Variants in MRTFB observed in about 807,000 individuals in gnomAD.
The protein encoded by MRTFB is myocardin related transcription factor B, also known as myocardin-related transcription factor B.
MRTFB carries 29 observed loss-of-function variants against 104.2 expected under a neutral mutation model. That is an observed-to-expected ratio of 0.28 (90% confidence interval 0.21 to 0.38). The LOEUF is 0.38. MRTFB is among the 10% of genes least tolerant of loss of function. The pLI, the probability that MRTFB is intolerant of heterozygous loss-of-function variation, is 1.00. For missense variants in MRTFB, 1,270 were observed against 1,341.6 expected (o/e 0.95, Z 0.83); for synonymous variants, 535 against 519.5 (o/e 1.03, Z -0.41).
intron 2 of MRTFB, among the ~76,000 whole-genome samples, chr16:14,139,984 TA>T (rs2037913941): frequency 6.6e-6 from 1 of 152,220 alleles, no homozygotes; most frequent in Non-Finnish European, 1.5e-5. Flanking sequence ...AGCCAGGTTT[TA>T]CTGTGATAAC....
At chr16:14,139,870 G>A (rs2037907565) in intron 2 of MRTFB, among the ~76,000 whole-genome samples, 1 of 152,186 alleles carries the variant, frequency 6.6e-6, no homozygotes, top group Non-Finnish European at 1.5e-5. Context: ...TCCAGTAACA[G>A]TTTTCTGCTG....
In MRTFB at chr16:14,247,335, A is replaced by C. The variant is rs775605388; in HGVS notation, c.2075A>C (p.Gln692Pro). 1.2e-6 allele frequency: 2 copies of C among 1,614,238 alleles called. No homozygotes were observed. Among genetic ancestry groups the C allele is most frequent in the Non-Finnish European group, 1.7e-6 (2 of 1,180,050 alleles). The change falls in exon 12 of 17, where the codon CAG becomes CCG. Residue 692 changes from glutamine (Q) to proline (P), a missense_variant. Coordinates refer to ENST00000571589, the MANE Select transcript of MRTFB (RefSeq NM_001308142.2). ...GTCCCTGTGGGCCAGGCAGAGCAGCAGAGTGTCGTCTCGCAGTTTTATGTG... is the reference window on the plus strand; with the variant it reads ...GTCCCTGTGGGCCAGGCAGAGCAGCCGAGTGTCGTCTCGCAGTTTTATGTG... The part of the protein sequence containing the change: ...QEVPVGQAEQ[Q>P]SVVSQFYVSS...
At chr16:14,079,256 C>T in intron 1 of MRTFB, 34 bp from the exon 2 acceptor site, 1 of 342,146 alleles carries the variant, frequency 2.9e-6, no homozygotes, top group Non-Finnish European at 5.3e-6. Flanking sequence ...AGTAGGTGCT[C>T]AATAAAAAGT....
chr16:14,021,596 C>A, the MRTFB span, among the ~76,000 whole-genome samples: 46,627 of 151,976 alleles, frequency 0.31, 8,257 homozygotes, highest in Middle Eastern at 0.4. Context: ...CCCTCTGAGT[C>A]CCCAAAGTCC....
chr16:14,006,220 A>G, the MRTFB span, among the ~76,000 whole-genome samples: 2 of 151,958 alleles, frequency 1.3e-5, no homozygotes, highest in Non-Finnish European at 2.9e-5. Context: ...GCGCATGCCT[A>G]TAATCCCAGC....
At chr16:14,202,443 C>T (rs985237107) in intron 3 of MRTFB, among the ~76,000 whole-genome samples, 7 of 152,132 alleles carry the variant, frequency 4.6e-5, no homozygotes, top group Non-Finnish European at 1.0e-4. Flanking sequence ...TAACAGTACA[C>T]ATAGTGTTCT....
intron 1 of MRTFB, among the ~76,000 whole-genome samples, chr16:14,072,515 C>T (rs2033772069): frequency 6.6e-6 from 1 of 152,116 alleles, no homozygotes; most frequent in South Asian, 2.1e-4. Flanking sequence ...CGAGATCCCA[C>T]CTGTACAAAA....
the MRTFB span, among the ~76,000 whole-genome samples, chr16:14,035,013 C>A: frequency 6.6e-6 from 1 of 152,190 alleles, no homozygotes; most frequent in Admixed American, 6.5e-5. Flanking sequence ...TCTTCCTCCA[C>A]CCCATGGAGA....
At chr16:14,096,402 A>G (rs1044603379) in intron 2 of MRTFB, among the ~76,000 whole-genome samples, 14 of 152,160 alleles carry the variant, frequency 9.2e-5, no homozygotes, top group Non-Finnish European at 1.8e-4. Context: ...AGGAATAACT[A>G]TTTCTAAGGA....
chr16:14,166,520 A>G (rs1249282835), intron 3 of MRTFB, among the ~76,000 whole-genome samples: 3 of 152,128 alleles, frequency 2.0e-5, no homozygotes, highest in African/African-American at 2.4e-5. Context: ...TGTTTGCTTA[A>G]GTTCCAGGAT....
At chr16:14,083,260 A>T (rs945057345) in intron 2 of MRTFB, among the ~76,000 whole-genome samples, 38 of 151,958 alleles carry the variant, frequency 2.5e-4, no homozygotes, top group Non-Finnish European at 4.6e-4. Flanking sequence ...TTTTGGTGGA[A>T]TCTTTAGGGT....
At chr16:14,158,973 T>TAAA (rs397854767) in intron 3 of MRTFB, among the ~76,000 whole-genome samples, 3 of 119,934 alleles carry the variant, frequency 2.5e-5, no homozygotes, top group Non-Finnish European at 3.8e-5. Context: ...TCATAAAGAT[T>TAAA]AAAAAAAAAA....
At chr16:14,259,482 A>C (rs867393650) in intron 16 of MRTFB, among the ~76,000 whole-genome samples, 61 of 150,800 alleles carry the variant, frequency 4.0e-4, no homozygotes, top group Admixed American at 2.0e-4. Context: ...GTTACTTGTG[A>C]CACCGTGCCT....
chr16:14,185,150 C>G (rs751623762), intron 3 of MRTFB, among the ~76,000 whole-genome samples: 1 of 152,192 alleles, frequency 6.6e-6, no homozygotes, highest in Non-Finnish European at 1.5e-5. Context: ...AAGCTTGTCA[C>G]TATTTGTTCC....
intron 2 of MRTFB, among the ~76,000 whole-genome samples, chr16:14,120,872 T>G (rs2142286382): frequency 6.6e-6 from 1 of 152,244 alleles, no homozygotes; most frequent in Non-Finnish European, 1.5e-5. Context: ...TGTGGGACCA[T>G]GGGTCACTGG....
At chr16:14,110,022 T>C (rs2036190008) in intron 2 of MRTFB, among the ~76,000 whole-genome samples, 1 of 152,220 alleles carries the variant, frequency 6.6e-6, no homozygotes, top group Non-Finnish European at 1.5e-5. Context: ...GTTTGCCCTT[T>C]AATCTCAAAA....
chr16:14,226,646 A>C (rs2042015005), intron 8 of MRTFB, among the ~76,000 whole-genome samples: 1 of 152,136 alleles, frequency 6.6e-6, no homozygotes, highest in African/African-American at 2.4e-5. Context: ...CCAAGGCAGC[A>C]AAAGAAAAAA....
the MRTFB span, among the ~76,000 whole-genome samples, chr16:14,004,228 C>T: frequency 1.8e-4 from 27 of 152,218 alleles, no homozygotes; most frequent in African/African-American, 4.8e-4. Context: ...GACAAGTAAC[C>T]GGGGTGGAGG....
intron 3 of MRTFB, among the ~76,000 whole-genome samples, chr16:14,160,201 C>G (rs552393060): frequency 6.6e-6 from 1 of 152,188 alleles, no homozygotes; most frequent in Admixed American, 6.5e-5. Flanking sequence ...TGTCATATGT[C>G]TTATTTAGCA....
Sources: allele counts gnomAD v4.1 joint callset (sites outside exome capture counted in the v4.1 genomes callset), GRCh38; gene constraint gnomAD v4.1.1; transcripts MANE v1.5; gene names NCBI Gene and HGNC (gene_info 2026-07-23, HGNC 2026-07-21).